FAP: variants seen among roughly 807,000 people sequenced by gnomAD.
FAP encodes the protein prolyl endopeptidase FAP.
In FAP, 110 loss-of-function variants were observed where a neutral mutation model predicts 126.5. The ratio of observed to expected loss-of-function variants is 0.87; its 90% CI spans 0.74 to 1.02. The LOEUF (loss-of-function observed/expected upper bound fraction) is 1.02. FAP is among the 50% of genes least tolerant of loss of function. The pLI, the probability that FAP is intolerant of heterozygous loss-of-function variation, is 0.00. For synonymous variants in FAP, 334 were observed against 297.3 expected, an observed-to-expected ratio of 1.12 and a Z score of -1.27; for missense variants, 919 against 909.2, an observed-to-expected ratio of 1.01 and a Z score of -0.14.
chr2:162,170,934 T>G lies in FAP; in HGVS notation c.*45A>C. ...ATAAGCAAACTGTCTGAGGGGTTTATATAAGGTTTTCAGATTCTGATACAG... is the reference window on the plus strand; with the variant it reads ...ATAAGCAAACTGTCTGAGGGGTTTAGATAAGGTTTTCAGATTCTGATACAG... On this transcript the variant is annotated 3_prime_UTR_variant, in exon 26 of 26. Coordinates refer to ENST00000188790, the MANE Select transcript of FAP (RefSeq NM_004460.5). The G allele has an allele frequency of 7.0e-7, 1 of 1,420,902 alleles. No individual in the cohort carries two copies. The highest frequency in any genetic ancestry group is 9.9e-7 in the Non-Finnish European group (1 of 1,005,948). The allele number at this position is 1,420,902 out of a possible 1,614,324, so 88.0% of individuals were successfully genotyped here. A position where few individuals can be genotyped will look rare whatever the true frequency, so the allele number is the denominator to read the frequency against.
chr2:162,174,395 T>A (rs576280257), intron 22 of FAP, among the ~76,000 whole-genome samples: 116 of 152,326 alleles, frequency 7.6e-4, no homozygotes, highest in Non-Finnish European at 1.5e-4. Context: ...CCTGCATTGA[T>A]GTAATGATAA....
chr2:162,236,804 T>C (rs1690154127), intron 2 of FAP, among the ~76,000 whole-genome samples: 1 of 152,140 alleles, frequency 6.6e-6, no homozygotes, highest in African/African-American at 2.4e-5. Flanking sequence ...AGTTTCTCCA[T>C]GTTGGCTAGG....
chr2:162,172,988 T>A (rs572793636), intron 24 of FAP, 104 bp from the exon 25 acceptor site: 263 of 1,126,600 alleles, frequency 2.3e-4, no homozygotes, highest in Admixed American at 1.1e-3. Flanking sequence ...TAGTCATGCA[T>A]TTGACATTGT....
intron 21 of FAP, among the ~76,000 whole-genome samples, chr2:162,180,761 A>T (rs1402592778): frequency 2.0e-5 from 3 of 152,192 alleles, no homozygotes; most frequent in African/African-American, 4.8e-5. Flanking sequence ...AGGCTTTAAC[A>T]AGTTTACCTT....
At chr2:162,233,975 G>A (rs924285528) in intron 2 of FAP, among the ~76,000 whole-genome samples, 26 of 152,036 alleles carry the variant, frequency 1.7e-4, no homozygotes, top group Admixed American at 9.2e-4. Context: ...GACTTTTCCC[G>A]TTGAATTGTC....
At chr2:162,225,613 T>A in intron 3 of FAP, 36 bp from the exon 4 acceptor site, 3 of 1,539,678 alleles carry the variant, frequency 1.9e-6, no homozygotes, top group Non-Finnish European at 2.6e-6. Flanking sequence ...GTAAATGATC[T>A]CTCTTAACAT....
intron 16 of FAP, chr2:162,195,106 T>TATA (rs1688202554): frequency 3.7e-6 from 1 of 271,652 alleles, no homozygotes; most frequent in Non-Finnish European, 7.1e-6. Flanking sequence ...GTGTCTTTAT[T>TATA]ATCAAACAAC....
chr2:162,207,344 T>C (rs1424816679), intron 12 of FAP, among the ~76,000 whole-genome samples: 3 of 152,240 alleles, frequency 2.0e-5, no homozygotes, highest in Non-Finnish European at 2.9e-5. Flanking sequence ...ATAATTTCTC[T>C]TCTGGAATTT....
At chr2:162,198,507 A>T (rs1247225817) in intron 16 of FAP, 3 of 692,190 alleles carry the variant, frequency 4.3e-6, no homozygotes, top group Non-Finnish European at 6.6e-6. Context: ...GTCCTGGCTG[A>T]TGCTTAGCTG....
chr2:162,195,506 C>T (rs1355101611), intron 16 of FAP, among the ~76,000 whole-genome samples: 1 of 151,740 alleles, frequency 6.6e-6, no homozygotes, highest in Non-Finnish European at 1.5e-5. Context: ...GAAAACTCTT[C>T]TCTTCTCCCG....
rs201505467 is a variant in FAP, at chr2:162,218,115, A to T, written c.633T>A (p.Ala211=). ...YEEEMLATKY[A]LWWSPNGKFL... is the part of the protein sequence containing the mutation. Reference sequence around the variant, plus strand: ...ATTTTCCATTAGGAGACCACCAGAGAGCATATTTTGTAGCAAGCATTTCCT... The same window carrying T: ...ATTTTCCATTAGGAGACCACCAGAGTGCATATTTTGTAGCAAGCATTTCCT... The change falls in exon 9 of 26, where the codon GCT becomes GCA. Residue 211 remains alanine, a synonymous_variant. Coordinates refer to ENST00000188790, the MANE Select transcript of FAP (RefSeq NM_004460.5). The T allele has an allele frequency of 2.5e-6, 4 of 1,606,370 alleles. No individual in the cohort carries two copies. In the Admixed American group the frequency reaches 6.8e-5, roughly 27 times the overall value.
In FAP at chr2:162,219,219, T is replaced by C. The variant is rs377091833; in HGVS notation, c.487-36A>G. On this transcript the variant is annotated intron_variant, in intron 7 of 25. Transcript: ENST00000188790. ...TGGTAAGGGGAAATTCCACAACAAATTAAATGAAGGCTGTATATTTGTTTT... is the reference window on the plus strand; with the variant it reads ...TGGTAAGGGGAAATTCCACAACAAACTAAATGAAGGCTGTATATTTGTTTT... 2.6e-5 allele frequency: 41 copies of C among 1,581,882 alleles called. No homozygotes were observed. The East Asian group carries it at 8.6e-4, about 33-fold the overall frequency.
At chr2:162,182,626 A>G (rs935511010) in intron 21 of FAP, among the ~76,000 whole-genome samples, 7 of 152,190 alleles carry the variant, frequency 4.6e-5, no homozygotes, top group African/African-American at 1.2e-4. Flanking sequence ...AACAGCCAAG[A>G]AAAACAACCC....
chr2:162,187,989 C>A (rs1178011962), intron 20 of FAP, among the ~76,000 whole-genome samples, 180 bp downstream of exon 20: 1 of 152,048 alleles, frequency 6.6e-6, no homozygotes, highest in Non-Finnish European at 1.5e-5. Flanking sequence ...CGTTAGCTCT[C>A]TTCCATAAAT....
At chr2:162,179,784 ATCTATC>A (rs1441934095) in intron 21 of FAP, among the ~76,000 whole-genome samples, 37 of 64,068 alleles carry the variant, frequency 5.8e-4, no homozygotes, top group South Asian at 2.9e-3. Flanking sequence ...CTATCTATCT[ATCTATC>A]TATATATATA....
chr2:162,199,431 A>G (rs1688402052), intron 15 of FAP, among the ~76,000 whole-genome samples: 1 of 152,142 alleles, frequency 6.6e-6, no homozygotes, highest in African/African-American at 2.4e-5. Flanking sequence ...TCAGGCTGGG[A>G]ATGCCCCCTC....
In FAP at chr2:162,207,714, AT is replaced by A. The variant is rs549071406; in HGVS notation, c.1047+2237del. ...AGACATATGTGCCTCCACTGAGGGC[AT>A]TTTTTTTTTTTTTGAGACAGAGTCT... is the stretch of plus-strand genomic sequence containing the variant. On this transcript the variant is annotated intron_variant, in intron 12 of 25. Coordinates refer to ENST00000188790, the MANE Select transcript of FAP (RefSeq NM_004460.5). 6.0e-3 allele frequency among the ~76,000 whole-genome samples: 855 copies of A among 141,458 alleles called. 3 individuals carry two copies. Among genetic ancestry groups the A allele is most frequent in the Middle Eastern group, 0.015 (4 of 268 alleles). The allele number at this position is 141,458 out of a possible 152,430, so 92.8% of individuals were successfully genotyped here.
intron 2 of FAP, among the ~76,000 whole-genome samples, chr2:162,232,433 C>T (rs76099239): frequency 0.035 from 5,359 of 152,142 alleles, 474 homozygotes; most frequent in Admixed American, 0.21. Flanking sequence ...TAAGTGTACA[C>T]ATAATAAAAC....
chr2:162,217,314 T>A (rs538963226), intron 9 of FAP, among the ~76,000 whole-genome samples: 1 of 152,338 alleles, frequency 6.6e-6, no homozygotes, highest in South Asian at 2.1e-4. Context: ...AAATTTGTAC[T>A]TTGATTCCAT....
Sources: gnomAD v4.1 joint callset for allele counts (sites outside exome capture counted in the v4.1 genomes callset) on GRCh38, gnomAD v4.1.1 for gene constraint, MANE v1.5 for transcripts, NCBI Gene and HGNC (gene_info 2026-07-23, HGNC 2026-07-21) for gene names.